Variants in FAM135B observed in about 807,000 individuals in gnomAD.
FAM135B encodes the protein family with sequence similarity 135 member B.
FAM135B carries 43 observed loss-of-function variants against 127.7 expected under a neutral mutation model. The ratio of observed to expected loss-of-function variants is 0.34; its 90% CI spans 0.26 to 0.43. The LOEUF (loss-of-function observed/expected upper bound fraction) is 0.43. Among genes scored for constraint, FAM135B ranks in the 20% least tolerant of loss-of-function variants. The pLI is 1.00. For missense variants in FAM135B, 1,558 were observed against 1,725.6 expected (o/e 0.90, Z 1.72); for synonymous variants, 670 against 665.1 (o/e 1.01, Z -0.11).
At chr8:138,482,923 T>G (rs1332443638) in intron 1 of FAM135B, among the ~76,000 whole-genome samples, 2 of 152,094 alleles carry the variant, frequency 1.3e-5, no homozygotes, top group African/African-American at 2.4e-5. Context: ...CACCCACCCA[T>G]GCACCCATCC....
intron 3 of FAM135B, among the ~76,000 whole-genome samples, chr8:138,276,141 C>A (rs942273402): frequency 2.0e-5 from 3 of 152,204 alleles, no homozygotes; most frequent in Non-Finnish European, 4.4e-5. Flanking sequence ...AAGGCCCCAC[C>A]TTCAAATCCT....
At chr8:138,391,355 A>T (rs1832563861) in intron 1 of FAM135B, among the ~76,000 whole-genome samples, 1 of 151,292 alleles carries the variant, frequency 6.6e-6, no homozygotes, top group Non-Finnish European at 1.5e-5. Flanking sequence ...CTCCAGCATG[A>T]TCTCCCCTCA....
Position 138,338,496 on chromosome 8 carries a change from G to C in FAM135B, c.78-27576C>G, listed in dbSNP as rs1260554780. On this transcript the variant is annotated intron_variant, in intron 2 of 19. Transcript: ENST00000395297. Reference sequence around the variant, plus strand: ...AAAGAAGACATTTATGCAGCCAAAAGACACATGAAAAAATGCTCATCATCA... The same window carrying C: ...AAAGAAGACATTTATGCAGCCAAAACACACATGAAAAAATGCTCATCATCA... Among the ~76,000 whole-genome samples, 787 of 150,984 alleles carry C rather than the reference G, an allele frequency of 5.2e-3. 8 individuals carry two copies. The highest frequency in any genetic ancestry group is 0.019 in the African/African-American group (756 of 40,550).
intron 12 of FAM135B, 85 bp downstream of exon 12, chr8:138,167,810 G>C (rs2130897417): frequency 7.0e-7 from 1 of 1,429,122 alleles, no homozygotes; most frequent in Non-Finnish European, 9.4e-7. Flanking sequence ...TCTCACTTTT[G>C]CTGGAATATA....
chr8:138,257,437 A>T (rs1428281506), intron 4 of FAM135B, among the ~76,000 whole-genome samples: 1 of 152,004 alleles, frequency 6.6e-6, no homozygotes, highest in Non-Finnish European at 1.5e-5. Flanking sequence ...TAAACACAGG[A>T]ATCTTTATTC....
chr8:138,134,635 G>A (rs1259413773), intron 19 of FAM135B, among the ~76,000 whole-genome samples: 1 of 152,058 alleles, frequency 6.6e-6, no homozygotes, highest in Admixed American at 6.6e-5. Flanking sequence ...GAGAGGTTGA[G>A]AGGTATTTTA....
rs747018490 is a variant in FAM135B, at chr8:138,265,909, G to T, written c.158-67C>A. On this transcript the variant is annotated intron_variant, in intron 3 of 19. Coordinates refer to ENST00000395297, the MANE Select transcript of FAM135B (RefSeq NM_015912.4). ...TGTCCTGTACCTGCAGCCCTGTCAG[G>T]TGTCTTTCCTGCTCAAGTAGGCTAA... The T allele has an allele frequency of 4.5e-4, 689 of 1,521,282 alleles. 1 individual carries two copies. Among genetic ancestry groups the T allele is most frequent in the Non-Finnish European group, 5.5e-4 (617 of 1,130,152 alleles). 94.2% of individuals were successfully genotyped at this position (1,521,282 alleles called of 1,614,324 possible).
At chr8:138,377,242 T>A (rs1587284847) in intron 1 of FAM135B, among the ~76,000 whole-genome samples, 1 of 152,356 alleles carries the variant, frequency 6.6e-6, no homozygotes, top group East Asian at 1.9e-4. Context: ...AAAACATTAC[T>A]GTTCTCAAAC....
chr8:138,226,180 T>TGTGTGC (rs1819419409), intron 7 of FAM135B, among the ~76,000 whole-genome samples: 1 of 127,998 alleles, frequency 7.8e-6, no homozygotes, highest in Non-Finnish European at 1.7e-5. Flanking sequence ...TGTGTGTGTG[T>TGTGTGC]GTGTGCGCGC....
chr8:138,353,472 T>G (rs1829901232), intron 2 of FAM135B, among the ~76,000 whole-genome samples: 1 of 152,212 alleles, frequency 6.6e-6, no homozygotes, highest in Non-Finnish European at 1.5e-5. Context: ...TTGAATTGTT[T>G]TTCCTAATTT....
intron 2 of FAM135B, among the ~76,000 whole-genome samples, chr8:138,354,453 C>G (rs567377550): frequency 6.6e-6 from 1 of 152,270 alleles, no homozygotes; most frequent in Non-Finnish European, 1.5e-5. Flanking sequence ...CTTTATCTGG[C>G]TTGTGAATGC....
intron 6 of FAM135B, among the ~76,000 whole-genome samples, chr8:138,246,152 G>T (rs12681410): frequency 0.29 from 44,229 of 152,038 alleles, 7,142 homozygotes; most frequent in East Asian, 0.62. Context: ...TGGAAAATTT[G>T]CAGCCTGATG....
intron 7 of FAM135B, among the ~76,000 whole-genome samples, chr8:138,225,902 T>C (rs1161082195): frequency 6.6e-6 from 1 of 152,068 alleles, no homozygotes; most frequent in Admixed American, 6.6e-5. Context: ...CTGTATACTA[T>C]GCCCAGAGGA....
At chr8:138,219,162 A>C (rs1818825639) in intron 7 of FAM135B, among the ~76,000 whole-genome samples, 1 of 152,192 alleles carries the variant, frequency 6.6e-6, no homozygotes, top group Non-Finnish European at 1.5e-5. Context: ...TTATTATTTC[A>C]ATATTTGAAA....
intron 2 of FAM135B, among the ~76,000 whole-genome samples, chr8:138,321,311 TG>T (rs1468912971): frequency 1.3e-5 from 2 of 152,192 alleles, no homozygotes; most frequent in Non-Finnish European, 2.9e-5. Flanking sequence ...CCCACTTCCA[TG>T]ATCCCAGTCT....
chr8:138,195,315 G>GA lies in FAM135B; in HGVS notation c.824-9dup, dbSNP rs747918121. 4.3e-6 allele frequency: 7 copies of GA among 1,613,102 alleles called. No homozygotes were observed. Among genetic ancestry groups the GA allele is most frequent in the Non-Finnish European group, 5.9e-6 (7 of 1,179,678 alleles). ...CTTCAACAGCAAGGGCCTCTAGAAA[G>GA]AAAAAATAAACTGTGTGATTAAATG... On this transcript the variant is annotated splice_polypyrimidine_tract_variant and intron_variant, in intron 8 of 19. Transcript: ENST00000395297.
intron 7 of FAM135B, among the ~76,000 whole-genome samples, chr8:138,200,322 C>A (rs1048012380): frequency 6.6e-6 from 1 of 152,202 alleles, no homozygotes; most frequent in Non-Finnish European, 1.5e-5. Context: ...CCCATATATT[C>A]ACATTTCTAC....
intron 2 of FAM135B, among the ~76,000 whole-genome samples, chr8:138,337,663 T>C (rs74373612): frequency 0.95 from 143,311 of 151,054 alleles, 68,149 homozygotes; most frequent in Non-Finnish European, 0.98. Flanking sequence ...GAATCAATAT[T>C]GTGAAAATGG....
chr8:138,431,245 G>C (rs7461187), intron 1 of FAM135B, among the ~76,000 whole-genome samples: 1 of 152,164 alleles, frequency 6.6e-6, no homozygotes, highest in African/African-American at 2.4e-5. Flanking sequence ...TATGTGCTAG[G>C]AAAGAGAAAA....
Sources: allele counts gnomAD v4.1 joint callset (sites outside exome capture counted in the v4.1 genomes callset), GRCh38; gene constraint gnomAD v4.1.1; transcripts MANE v1.5; gene names NCBI Gene and HGNC (gene_info 2026-07-23, HGNC 2026-07-21).